Variants in DLG2 observed in about 807,000 individuals in gnomAD.
The protein encoded by DLG2 is discs large MAGUK scaffold protein 2.
DLG2 carries 45 observed loss-of-function variants against 132.5 expected under a neutral mutation model. The observed-to-expected ratio is 0.34, with a 90% CI of 0.27 to 0.44. The LOEUF (loss-of-function observed/expected upper bound fraction) is 0.44. DLG2 is among the 20% of genes least tolerant of loss of function. DLG2 has a pLI of 1.00. For missense variants in DLG2, 1,045 were observed against 1,196.9 expected (o/e 0.87, Z 1.87); for synonymous variants, 424 against 419.6 (o/e 1.01, Z -0.13).
At chr11:83,988,823 T>A (rs565152677) in intron 11 of DLG2, among the ~76,000 whole-genome samples, 14 of 152,198 alleles carry the variant, frequency 9.2e-5, no homozygotes, top group East Asian at 3.9e-4. Context: ...CTATATATAT[T>A]TTTTTCCTTA....
chr11:83,848,161 G>C (rs1461136137), intron 16 of DLG2, among the ~76,000 whole-genome samples: 2 of 146,626 alleles, frequency 1.4e-5, no homozygotes, highest in African/African-American at 2.5e-5. Context: ...CATCTTGTAA[G>C]GACACTTATC....
chr11:85,482,899 G>T (rs759006295), intron 3 of DLG2, among the ~76,000 whole-genome samples: 20 of 152,138 alleles, frequency 1.3e-4, no homozygotes, highest in Non-Finnish European at 2.9e-4. Flanking sequence ...CAGGTTCCAT[G>T]ATAGCCTTTG....
intron 15 of DLG2, among the ~76,000 whole-genome samples, chr11:83,913,100 TTC>T (rs1166479935): frequency 6.6e-6 from 1 of 152,108 alleles, no homozygotes; most frequent in African/African-American, 2.4e-5. Flanking sequence ...ATCCCTTAAC[TTC>T]TCTCTCATTT....
intron 15 of DLG2, among the ~76,000 whole-genome samples, chr11:83,885,206 T>C (rs764219661): frequency 6.6e-6 from 1 of 152,064 alleles, no homozygotes; most frequent in Non-Finnish European, 1.5e-5. Flanking sequence ...TGAAAAAAAT[T>C]TAGACGAATG....
chr11:84,613,161 C>T (rs1004226709), intron 6 of DLG2, among the ~76,000 whole-genome samples: 69 of 152,168 alleles, frequency 4.5e-4, no homozygotes, highest in African/African-American at 1.6e-3. Flanking sequence ...ATCAGGACAA[C>T]GGCTCTCTCT....
intron 6 of DLG2, among the ~76,000 whole-genome samples, chr11:84,751,528 TG>T (rs1176495722): frequency 1.3e-5 from 2 of 152,038 alleles, no homozygotes; most frequent in Non-Finnish European, 2.9e-5. Flanking sequence ...GTGACGTACA[TG>T]GAAGAAATCA....
chr11:85,425,437 A>T (rs1432566304), intron 3 of DLG2, among the ~76,000 whole-genome samples: 3 of 152,176 alleles, frequency 2.0e-5, no homozygotes, highest in Non-Finnish European at 4.4e-5. Flanking sequence ...TATTGTAAAT[A>T]GTAAATATTT....
intron 7 of DLG2, among the ~76,000 whole-genome samples, chr11:84,465,631 A>C (rs1326083372): frequency 2.3e-4 from 35 of 151,296 alleles, no homozygotes. Flanking sequence ...ATTATAGTAC[A>C]TAGGAAAATT....
chr11:85,375,067 T>C (rs1239293025), intron 3 of DLG2, among the ~76,000 whole-genome samples: 2 of 152,154 alleles, frequency 1.3e-5, no homozygotes, highest in Non-Finnish European at 2.9e-5. Flanking sequence ...ATTTCTTTTT[T>C]TTTCCCTTTG....
At chr11:84,001,697 A>G (rs977305945) in intron 11 of DLG2, among the ~76,000 whole-genome samples, 1 of 152,172 alleles carries the variant, frequency 6.6e-6, no homozygotes, top group African/African-American at 2.4e-5. Flanking sequence ...TCAGGTCACA[A>G]AACAAGTCTC....
At chr11:85,471,343 A>G (rs999258084) in intron 3 of DLG2, among the ~76,000 whole-genome samples, 3 of 152,176 alleles carry the variant, frequency 2.0e-5, no homozygotes, top group Admixed American at 2.0e-4. Flanking sequence ...CACAAAACAC[A>G]CAAGAAAATA....
At chr11:85,575,663 A>C (rs1487920945) in intron 3 of DLG2, among the ~76,000 whole-genome samples, 1 of 152,092 alleles carries the variant, frequency 6.6e-6, no homozygotes, top group Non-Finnish European at 1.5e-5. Context: ...TCTCCTTTGC[A>C]GATAACTATA....
chr11:85,033,282 A>C (rs1178829740), intron 6 of DLG2, among the ~76,000 whole-genome samples: 1 of 151,974 alleles, frequency 6.6e-6, no homozygotes, highest in Non-Finnish European at 1.5e-5. Context: ...CTGTGCTCAA[A>C]CTATAGAGAA....
At chr11:84,649,042 A>T (rs1235516853) in intron 6 of DLG2, among the ~76,000 whole-genome samples, 1 of 152,190 alleles carries the variant, frequency 6.6e-6, no homozygotes, top group Non-Finnish European at 1.5e-5. Flanking sequence ...AATGACATAT[A>T]GGGTTTTCCT....
In DLG2 at chr11:84,218,386, G is replaced by A. The variant is rs970644765; in HGVS notation, c.573+32852C>T. Among the ~76,000 whole-genome samples, 620 of 106,168 alleles carry A rather than the reference G, an allele frequency of 5.8e-3. 2 individuals are homozygous for A. Among genetic ancestry groups the A allele is most frequent in the African/African-American group, 0.021 (562 of 26,370 alleles). 69.7% of individuals were successfully genotyped at this position (106,168 alleles called of 152,430 possible). On this transcript the variant is annotated intron_variant, in intron 8 of 27. Transcript: ENST00000376104. Reference sequence around the variant, plus strand: ...AGAGAAAGGGAGAAAGGGAGGGAGGGAGGGAGGGAGGGAGGAAGGAAGGAA... The same window carrying A: ...AGAGAAAGGGAGAAAGGGAGGGAGGAAGGGAGGGAGGGAGGAAGGAAGGAA...
At chr11:84,899,943 AG>A (rs1270070202) in intron 6 of DLG2, among the ~76,000 whole-genome samples, 2 of 152,058 alleles carry the variant, frequency 1.3e-5, no homozygotes, top group Non-Finnish European at 2.9e-5. Flanking sequence ...TGCACTCAAT[AG>A]TACCTTAGTG....
At chr11:84,892,078 C>T (rs2154064455) in intron 6 of DLG2, among the ~76,000 whole-genome samples, 1 of 152,252 alleles carries the variant, frequency 6.6e-6, no homozygotes, top group East Asian at 1.9e-4. Flanking sequence ...TCAAGGTCTA[C>T]AGTTATACTT....
intron 7 of DLG2, among the ~76,000 whole-genome samples, chr11:84,343,603 C>T (rs2098525715): frequency 6.6e-6 from 1 of 152,088 alleles, no homozygotes; most frequent in Non-Finnish European, 1.5e-5. Flanking sequence ...AAGTGTTCAA[C>T]AGGGGATGGG....
chr11:84,516,626 T>C (rs570692677), intron 7 of DLG2, among the ~76,000 whole-genome samples: 2 of 151,558 alleles, frequency 1.3e-5, no homozygotes, highest in Non-Finnish European at 3.0e-5. Flanking sequence ...AATTCTATTA[T>C]ATATTTATTG....
Sources: gnomAD v4.1 joint callset for allele counts (sites outside exome capture counted in the v4.1 genomes callset) on GRCh38, gnomAD v4.1.1 for gene constraint, MANE v1.5 for transcripts, NCBI Gene and HGNC (gene_info 2026-07-23, HGNC 2026-07-21) for gene names.